Variants in GDPD5 observed in about 807,000 individuals in gnomAD.
GDPD5 encodes glycerophosphodiester phosphodiesterase 2.
A neutral mutation model predicts 75.1 loss-of-function variants in GDPD5; 48 were observed. The observed-to-expected ratio is 0.64, with a 90% CI of 0.51 to 0.81. The LOEUF (loss-of-function observed/expected upper bound fraction) is 0.81. Ranked by LOEUF, GDPD5 falls within the 40% of genes least tolerant of loss-of-function variation. The pLI is 0.00. For missense variants in GDPD5, 706 were observed against 822.6 expected, an observed-to-expected ratio of 0.86 and a Z score of 1.73; for synonymous variants, 336 against 339.0, an observed-to-expected ratio of 0.99 and a Z score of 0.10.
chr11:75,487,128 G>A (rs942622577), intron 2 of GDPD5, among the ~76,000 whole-genome samples: 2 of 152,196 alleles, frequency 1.3e-5, no homozygotes, highest in African/African-American at 4.8e-5. Context: ...GCCCTGCCCT[G>A]TGCTCTCCGG....
intron 3 of GDPD5, among the ~76,000 whole-genome samples, chr11:75,468,493 G>C (rs7115591): frequency 0.029 from 4,402 of 152,354 alleles, 94 homozygotes; most frequent in Middle Eastern, 0.051. Flanking sequence ...GCAATACTGG[G>C]TTTGAATCCC....
In GDPD5 at chr11:75,459,843, C is replaced by T. The variant is rs553433453; in HGVS notation, c.222-2057G>A. Among the ~76,000 whole-genome samples the T allele has an allele frequency of 2.0e-5, 3 of 151,836 alleles. No homozygotes were observed. In the South Asian group the frequency reaches 6.3e-4, roughly 32 times the overall value. On this transcript the variant is annotated intron_variant, in intron 4 of 16. Transcript: ENST00000336898. ...AAAAAAAAGAATGAACTACTCACAT[C>T]CTCCTTGTACAAAGGGGGAAACTGA...
In GDPD5 at chr11:75,436,920, C is replaced by G. The variant is rs752509447; in HGVS notation, c.1669+16G>C. ...GGGCCCAGGGCCTGCCTCCACCTGT[C>G]TGCAGGGCTGTGTACCTGAGAAAAT... On this transcript the variant is annotated intron_variant, in intron 16 of 16. Coordinates refer to ENST00000336898, the MANE Select transcript of GDPD5 (RefSeq NM_030792.8). 6.3e-7 allele frequency: 1 copy of G among 1,598,908 alleles called. No individual in the cohort carries two copies. The highest frequency in any genetic ancestry group is 8.6e-7 in the Non-Finnish European group (1 of 1,166,862).
chr11:75,446,458 T>A (rs1467402223), intron 9 of GDPD5, among the ~76,000 whole-genome samples: 1 of 152,042 alleles, frequency 6.6e-6, no homozygotes, highest in Admixed American at 6.6e-5. Flanking sequence ...AGGGTGTGCA[T>A]AGGGGGGTGG....
intron 9 of GDPD5, among the ~76,000 whole-genome samples, chr11:75,446,970 G>A (rs900605620): frequency 7.2e-5 from 11 of 151,992 alleles, no homozygotes; most frequent in African/African-American, 2.7e-4. Context: ...TGCAACCTCC[G>A]CCTCCCGGAT....
At chr11:75,459,049 T>C (rs1408519210) in intron 4 of GDPD5, among the ~76,000 whole-genome samples, 3 of 152,138 alleles carry the variant, frequency 2.0e-5, no homozygotes, top group Non-Finnish European at 2.9e-5. Context: ...GCTGGGATTA[T>C]AGGCGTGAGC....
At chr11:75,472,062 C>T (rs1006061590) in intron 3 of GDPD5, among the ~76,000 whole-genome samples, 1 of 152,124 alleles carries the variant, frequency 6.6e-6, no homozygotes, top group Non-Finnish European at 1.5e-5. Context: ...AGGGAGGGCA[C>T]GTTTTCTGCA....
chr11:75,442,787 G>A (rs1333414055), intron 11 of GDPD5: 1 of 610,836 alleles, frequency 1.6e-6, no homozygotes, highest in Non-Finnish European at 2.9e-6. Context: ...GAGGACGGAG[G>A]ACGGCTTGCT....
intron 1 of GDPD5, among the ~76,000 whole-genome samples, chr11:75,494,800 A>G (rs977805627): frequency 1.3e-5 from 2 of 151,950 alleles, no homozygotes; most frequent in African/African-American, 4.8e-5. Context: ...AAACATAAAA[A>G]AAATAGCTGG....
At chr11:75,464,891 T>C (rs1433974650) in intron 3 of GDPD5, among the ~76,000 whole-genome samples, 6 of 151,704 alleles carry the variant, frequency 4.0e-5, no homozygotes, top group Admixed American at 6.6e-5. Flanking sequence ...AATGGCTGAG[T>C]CCCTAGACTC....
chr11:75,437,160 C>T, intron 15 of GDPD5, 112 bp from the exon 16 acceptor site: 1 of 729,622 alleles, frequency 1.4e-6, no homozygotes, highest in Non-Finnish European at 2.3e-6. Context: ...CAGCAGGACT[C>T]TTGTCCCACT....
chr11:75,443,023 G>A (rs1490454321), intron 11 of GDPD5, 113 bp downstream of exon 11: 5 of 1,302,600 alleles, frequency 3.8e-6, no homozygotes, highest in South Asian at 3.8e-5. Context: ...TGGAGGTCGC[G>A]AAAGCTCTGA....
intron 14 of GDPD5, among the ~76,000 whole-genome samples, chr11:75,440,383 A>G (rs1296702250): frequency 6.6e-6 from 1 of 152,014 alleles, no homozygotes; most frequent in South Asian, 2.1e-4. Context: ...CCATAGAACC[A>G]TCCACAGCTT....
At chr11:75,441,958 C>A (rs574350423) in intron 12 of GDPD5, among the ~76,000 whole-genome samples, 155 bp from the exon 13 acceptor site, 1 of 152,320 alleles carries the variant, frequency 6.6e-6, no homozygotes, top group East Asian at 1.9e-4. Context: ...CAGTCCCAGC[C>A]AAGGCTGCAA....
intron 1 of GDPD5, among the ~76,000 whole-genome samples, chr11:75,506,126 C>A (rs1366984286): frequency 3.3e-5 from 5 of 152,194 alleles, no homozygotes; most frequent in Non-Finnish European, 5.9e-5. Context: ...AAATGCTGAG[C>A]CAAGGGCTTG....
Position 75,449,993 on chromosome 11 carries a change from G to T in GDPD5, c.376-10C>A, listed in dbSNP as rs756151053. 3 of 1,611,726 alleles carry T rather than the reference G, an allele frequency of 1.9e-6. No individual in the cohort carries two copies. The African/African-American group carries it at 4.0e-5, about 22-fold the overall frequency. ...TGACCACCAGCCCGATCTGGAGGGG[G>T]AAGAGTCACCGGACAGAGGCTCAGA... On this transcript the variant is annotated splice_polypyrimidine_tract_variant and intron_variant, in intron 6 of 16. Coordinates refer to ENST00000336898, the MANE Select transcript of GDPD5 (RefSeq NM_030792.8).
chr11:75,514,851 G>GT (rs1950603596), intron 1 of GDPD5, among the ~76,000 whole-genome samples: 1 of 152,248 alleles, frequency 6.6e-6, no homozygotes, highest in African/African-American at 2.4e-5. Flanking sequence ...GAGGGCAACT[G>GT]TAGCATCTCC....
rs561078577 is a variant in GDPD5, at chr11:75,435,394, A to G, written c.*113T>C. ...GGCTGACAAGGGGCTGGAGCCCACA[A>G]GGAGGCTGTGGAGCCCGCTCCCAGA... On this transcript the variant is annotated 3_prime_UTR_variant, in exon 17 of 17. Transcript: ENST00000336898. 29 of 1,004,100 alleles carry G rather than the reference A, an allele frequency of 2.9e-5. No individual in the cohort carries two copies. In the South Asian group the frequency reaches 4.6e-4, roughly 16 times the overall value. 62.2% of individuals were successfully genotyped at this position (1,004,100 alleles called of 1,614,324 possible). A position where few individuals can be genotyped will look rare whatever the true frequency, so the allele number is the denominator to read the frequency against.
chr11:75,443,177 T>A lies in GDPD5; in HGVS notation c.907A>T (p.Thr303Ser). 2.5e-6 allele frequency: 4 copies of A among 1,605,592 alleles called. No individual in the cohort carries two copies. The highest frequency in any genetic ancestry group is 3.4e-6 in the Non-Finnish European group (4 of 1,176,310). ...CCAGCGTTGAGTCTCTGCAGGGTGG[T>A]CCAGTTAAGCATGGAGGCAGGCCTG... is the stretch of plus-strand genomic sequence containing the variant. ...ARRPASMLNW[T>S]TLQRLNAGQW... is the part of the protein sequence containing the mutation. The change falls in exon 11 of 17, where the codon ACC becomes TCC. Residue 303 changes from threonine (T) to serine (S), a missense_variant. Coordinates refer to ENST00000336898, the MANE Select transcript of GDPD5 (RefSeq NM_030792.8).
Sources: gnomAD v4.1 joint callset for allele counts (sites outside exome capture counted in the v4.1 genomes callset) on GRCh38, gnomAD v4.1.1 for gene constraint, MANE v1.5 for transcripts, NCBI Gene and HGNC (gene_info 2026-07-23, HGNC 2026-07-21) for gene names.